Variants in BTBD9 observed in about 807,000 individuals in gnomAD.
BTBD9 encodes the protein BTB/POZ domain-containing protein 9.
In BTBD9, 49 loss-of-function variants were observed where a neutral mutation model predicts 64.3. The observed-to-expected ratio is 0.76, with a 90% CI of 0.61 to 0.97. The LOEUF (loss-of-function observed/expected upper bound fraction) is 0.97, where lower values mean the gene tolerates loss of function less well. Ranked by LOEUF, BTBD9 falls within the 50% of genes least tolerant of loss-of-function variation. The pLI, the probability that BTBD9 is intolerant of heterozygous loss-of-function variation, is 0.00. For missense variants in BTBD9, 598 were observed against 762.1 expected (o/e 0.78, Z 2.53); for synonymous variants, 260 against 274.7 (o/e 0.95, Z 0.53).
chr6:38,205,386 G>A (rs945642460), intron 9 of BTBD9, among the ~76,000 whole-genome samples: 1 of 152,080 alleles, frequency 6.6e-6, no homozygotes, highest in Non-Finnish European at 1.5e-5. Context: ...AGCAACACTG[G>A]GGGTGAGAAG....
chr6:38,476,988 T>G (rs1307364674), intron 6 of BTBD9, among the ~76,000 whole-genome samples: 1 of 152,180 alleles, frequency 6.6e-6, no homozygotes, highest in Admixed American at 6.5e-5. Flanking sequence ...CAACACTACA[T>G]GGGGCCCTGC....
chr6:38,565,667 A>G (rs1290964493), intron 6 of BTBD9, among the ~76,000 whole-genome samples: 2 of 152,226 alleles, frequency 1.3e-5, no homozygotes, highest in Non-Finnish European at 2.9e-5. Flanking sequence ...GATAATGCCC[A>G]TTGTTGATAA....
At chr6:38,526,625 T>C (rs1773509125) in intron 6 of BTBD9, among the ~76,000 whole-genome samples, 1 of 152,232 alleles carries the variant, frequency 6.6e-6, no homozygotes, top group African/African-American at 2.4e-5. Flanking sequence ...TCCAAGACTG[T>C]GGGAGTGCAC....
intron 6 of BTBD9, among the ~76,000 whole-genome samples, chr6:38,492,891 G>A (rs947450455): frequency 1.3e-5 from 2 of 152,144 alleles, no homozygotes; most frequent in African/African-American, 4.8e-5. Context: ...ACTATGTGAA[G>A]GAGTTGGCAA....
At chr6:38,607,016 C>T (rs1043347090) in intron 1 of BTBD9, among the ~76,000 whole-genome samples, 3 of 152,164 alleles carry the variant, frequency 2.0e-5, no homozygotes, top group Non-Finnish European at 4.4e-5. Flanking sequence ...AGTTCTCAAA[C>T]TTTAACATAC....
chr6:38,231,300 G>C (rs1405042618), intron 9 of BTBD9, among the ~76,000 whole-genome samples: 1 of 152,140 alleles, frequency 6.6e-6, no homozygotes, highest in East Asian at 1.9e-4. Context: ...GCATTATGTG[G>C]GATAACACAG....
At chr6:38,280,557 AG>A (rs1327827428) in intron 8 of BTBD9, among the ~76,000 whole-genome samples, 1 of 152,262 alleles carries the variant, frequency 6.6e-6, no homozygotes, top group Non-Finnish European at 1.5e-5. Flanking sequence ...TGTATTCTTC[AG>A]GCTATAAAAA....
chr6:38,322,016 G>A (rs780537662), intron 7 of BTBD9, among the ~76,000 whole-genome samples: 8 of 151,724 alleles, frequency 5.3e-5, no homozygotes, highest in South Asian at 2.1e-4. Flanking sequence ...AAAGGATTGC[G>A]AATGCTGTGT....
At chr6:38,508,864 C>T (rs1481412271) in intron 6 of BTBD9, among the ~76,000 whole-genome samples, 1 of 152,184 alleles carries the variant, frequency 6.6e-6, no homozygotes, top group African/African-American at 2.4e-5. Flanking sequence ...CTCCCCACCC[C>T]TCCATCAACC....
chr6:38,207,514 T>C (rs1280005407), intron 9 of BTBD9, among the ~76,000 whole-genome samples: 1 of 152,124 alleles, frequency 6.6e-6, no homozygotes. Flanking sequence ...TCTCAGCTAC[T>C]TGGAAGGCTG....
intron 6 of BTBD9, among the ~76,000 whole-genome samples, chr6:38,421,305 AAT>A (rs1430542113): frequency 6.6e-6 from 1 of 152,064 alleles, no homozygotes; most frequent in Non-Finnish European, 1.5e-5. Context: ...ACAGTGAGCT[AAT>A]ATCGCACCAC....
intron 1 of BTBD9, among the ~76,000 whole-genome samples, chr6:38,630,710 T>C (rs1014423747): frequency 5.3e-5 from 8 of 152,250 alleles, no homozygotes; most frequent in African/African-American, 1.9e-4. Context: ...AAAGTTAATA[T>C]CTGACATGAA....
At chr6:38,629,109 ATTAATTAACTAG>A (rs1288019907) in intron 1 of BTBD9, among the ~76,000 whole-genome samples, 1 of 152,210 alleles carries the variant, frequency 6.6e-6, no homozygotes, top group African/African-American at 2.4e-5. Flanking sequence ...TCACTGAGAT[ATTAATTAACTAG>A]TTAATTAATG....
intron 6 of BTBD9, among the ~76,000 whole-genome samples, chr6:38,520,341 G>A (rs1003257213): frequency 2.6e-5 from 4 of 151,934 alleles, no homozygotes; most frequent in African/African-American, 9.7e-5. Context: ...CGCATCTGTC[G>A]TCCCAGCTAC....
At chr6:38,506,920 T>C (rs1201023169) in intron 6 of BTBD9, among the ~76,000 whole-genome samples, 2 of 152,188 alleles carry the variant, frequency 1.3e-5, no homozygotes, top group African/African-American at 2.4e-5. Flanking sequence ...ATCTCATTTA[T>C]ACTGTTTTTC....
intron 9 of BTBD9, among the ~76,000 whole-genome samples, chr6:38,237,307 G>A (rs1763810404): frequency 6.6e-6 from 1 of 152,154 alleles, no homozygotes; most frequent in African/African-American, 2.4e-5. Flanking sequence ...CACATAGAGA[G>A]GGGATCTATC....
At chr6:38,605,168 T>C (rs1028622090) in intron 1 of BTBD9, among the ~76,000 whole-genome samples, 4 of 151,976 alleles carry the variant, frequency 2.6e-5, no homozygotes, top group Non-Finnish European at 5.9e-5. Context: ...TGCCTCAGCC[T>C]CCCGAGTAGC....
intron 9 of BTBD9, among the ~76,000 whole-genome samples, chr6:38,214,416 G>A (rs1371256738): frequency 6.6e-6 from 1 of 152,252 alleles, no homozygotes; most frequent in Non-Finnish European, 1.5e-5. Flanking sequence ...AGACAGGACA[G>A]GTGACAAGGG....
chr6:38,635,057 C>G (rs1327924888), intron 1 of BTBD9, among the ~76,000 whole-genome samples: 1 of 152,204 alleles, frequency 6.6e-6, no homozygotes, highest in Admixed American at 6.5e-5. Context: ...TTTTCAAGCC[C>G]CAGTCCACAC....
Sources: allele counts gnomAD v4.1 joint callset (sites outside exome capture counted in the v4.1 genomes callset), GRCh38; gene constraint gnomAD v4.1.1; transcripts MANE v1.5; gene names NCBI Gene and HGNC (gene_info 2026-07-23, HGNC 2026-07-21).